The following PRKCE variants were observed in gnomAD, a reference collection of about 807,000 sequenced individuals.
PRKCE encodes the protein protein kinase C epsilon.
In PRKCE, 16 loss-of-function variants were observed where a neutral mutation model predicts 85.4. That is an observed-to-expected ratio of 0.19 (90% CI 0.13 to 0.28). The LOEUF (loss-of-function observed/expected upper bound fraction) is 0.28, where lower values mean the gene tolerates loss of function less well. PRKCE is among the 10% of genes least tolerant of loss of function. The pLI, the probability that PRKCE is intolerant of heterozygous loss-of-function variation, is 1.00. For synonymous variants in PRKCE, 388 were observed against 371.5 expected (o/e 1.04, Z -0.51); for missense variants, 573 against 975.2 (o/e 0.59, Z 5.49).
At chr2:45,988,002 C>A (rs976573562) in intron 6 of PRKCE, among the ~76,000 whole-genome samples, 1 of 152,180 alleles carries the variant, frequency 6.6e-6, no homozygotes, top group Non-Finnish European at 1.5e-5. Context: ...TGCAAGCATC[C>A]CCGAGCAAGT....
chr2:45,987,823 C>A (rs1045155707), intron 6 of PRKCE, among the ~76,000 whole-genome samples: 1 of 152,194 alleles, frequency 6.6e-6, no homozygotes, highest in Non-Finnish European at 1.5e-5. Context: ...CTCTTTAGAT[C>A]CTTTCTCCTC....
intron 11 of PRKCE, among the ~76,000 whole-genome samples, chr2:46,098,327 C>G (rs537879470): frequency 6.6e-5 from 10 of 151,422 alleles, no homozygotes; most frequent in Admixed American, 2.0e-4. Context: ...TACTCCCCCC[C>G]CAACCCACAC....
intron 2 of PRKCE, among the ~76,000 whole-genome samples, chr2:45,896,676 A>G (rs1463303968): frequency 6.6e-6 from 1 of 152,272 alleles, no homozygotes; most frequent in Admixed American, 6.5e-5. Context: ...TAGATTGCAG[A>G]GAAAACATAT....
At chr2:45,968,803 G>T (rs531567068) in intron 2 of PRKCE, among the ~76,000 whole-genome samples, 1 of 152,162 alleles carries the variant, frequency 6.6e-6, no homozygotes, top group African/African-American at 2.4e-5. Flanking sequence ...GGACAGTGGA[G>T]CAGTGAAAAC....
chr2:45,793,836 A>G (rs1196323271), intron 1 of PRKCE, among the ~76,000 whole-genome samples: 1 of 152,206 alleles, frequency 6.6e-6, no homozygotes, highest in African/African-American at 2.4e-5. Flanking sequence ...TCTCACACTG[A>G]CTGGTGAACA....
chr2:45,937,119 A>G (rs1467324114), intron 2 of PRKCE, among the ~76,000 whole-genome samples: 1 of 152,254 alleles, frequency 6.6e-6, no homozygotes, highest in Non-Finnish European at 1.5e-5. Context: ...TTGGCTGGGA[A>G]GAAAAGATTC....
At chr2:45,732,716 C>T (rs993229574) in intron 1 of PRKCE, among the ~76,000 whole-genome samples, 10 of 152,172 alleles carry the variant, frequency 6.6e-5, no homozygotes, top group African/African-American at 2.4e-4. Flanking sequence ...GCACCTAACA[C>T]ACTATTTGGT....
intron 10 of PRKCE, among the ~76,000 whole-genome samples, chr2:46,030,933 G>C (rs975550959): frequency 6.6e-6 from 1 of 152,140 alleles, no homozygotes; most frequent in East Asian, 1.9e-4. Context: ...ACCTTCTCTG[G>C]AGTGTCTTGC....
intron 2 of PRKCE, among the ~76,000 whole-genome samples, chr2:45,872,098 C>G (rs1694138225): frequency 6.7e-6 from 1 of 149,582 alleles, no homozygotes; most frequent in Admixed American, 6.7e-5. Flanking sequence ...TTGAAAAGTC[C>G]TAGTTGTTAA....
intron 1 of PRKCE, among the ~76,000 whole-genome samples, chr2:45,655,109 G>T (rs1015275058): frequency 2.0e-5 from 3 of 152,180 alleles, no homozygotes; most frequent in African/African-American, 4.8e-5. Flanking sequence ...TGTATTCCTG[G>T]AGTTCCTGTT....
In PRKCE at chr2:46,086,250, C is replaced by T; in HGVS notation, c.1480C>T (p.Leu494Phe). Residue 494 changes from leucine (L) to phenylalanine (F), a missense_variant, in exon 11 of 15, where the codon CTC becomes TTC. Around this residue, in one of 11 missense-constraint regions of PRKCE, gnomAD observed 89 missense variants for 154.1 expected, o/e 0.58. Transcript: ENST00000306156. ...CATGGAATATGTAAATGGTGGAGAC[C>T]TCATGTTTCAGATTCAGCGCTCCCG... ...FVMEYVNGGD[L>F]MFQIQRSRKF... 1 of 1,599,692 alleles carries T rather than the reference C, an allele frequency of 6.3e-7. No individual in the cohort carries two copies. Among genetic ancestry groups the T allele is most frequent in the South Asian group, 1.1e-5 (1 of 91,082 alleles).
At chr2:45,972,329 T>C (rs558910497) in intron 2 of PRKCE, among the ~76,000 whole-genome samples, 37 of 152,354 alleles carry the variant, frequency 2.4e-4, no homozygotes, top group African/African-American at 8.7e-4. Context: ...GTTTTGCCAT[T>C]GAATTGTGGG....
At chr2:45,929,621 A>G (rs1053746541) in intron 2 of PRKCE, among the ~76,000 whole-genome samples, 3 of 152,170 alleles carry the variant, frequency 2.0e-5, no homozygotes, top group African/African-American at 7.2e-5. Context: ...GAGAACTCAT[A>G]TTATCAAAGG....
chr2:46,027,790 G>A (rs1024281980), intron 10 of PRKCE, among the ~76,000 whole-genome samples: 1 of 152,116 alleles, frequency 6.6e-6, no homozygotes, highest in South Asian at 2.1e-4. Flanking sequence ...TGGTCCCATG[G>A]CCTATTTAGC....
intron 11 of PRKCE, among the ~76,000 whole-genome samples, chr2:46,130,750 G>A (rs138838494): frequency 7.0e-4 from 106 of 152,286 alleles, no homozygotes; most frequent in Non-Finnish European, 1.3e-3. Context: ...CTACCCACAC[G>A]TAGCTTCATT....
At position 46,184,803 on chromosome 2, in the gene PRKCE, G is replaced by A; in HGVS notation, c.2136G>A (p.Val712=). The change falls in exon 15 of 15, where the codon GTG becomes GTA. Residue 712 remains valine, a synonymous_variant. Coordinates refer to ENST00000306156, the MANE Select transcript of PRKCE (RefSeq NM_005400.3). This position sits in a 1 kb window ranked among gnomAD's most constrained non-coding sequence, Gnocchi z 5.0. ...FTREEPVLTL[V]DEAIVKQINQ... Reference sequence around the variant, plus strand: ...GGGAAGAGCCGGTACTCACCCTTGTGGACGAAGCAATTGTAAAGCAGATCA... The same window carrying A: ...GGGAAGAGCCGGTACTCACCCTTGTAGACGAAGCAATTGTAAAGCAGATCA... The A allele has an allele frequency of 1.3e-6, 2 of 1,599,766 alleles. No homozygotes were observed. The highest frequency in any genetic ancestry group is 1.7e-6 in the Non-Finnish European group (2 of 1,179,954).
chr2:46,110,059 G>T (rs1315833915), intron 11 of PRKCE, among the ~76,000 whole-genome samples: 1 of 152,096 alleles, frequency 6.6e-6, no homozygotes, highest in Admixed American at 6.6e-5. Flanking sequence ...CTTGGTTGTG[G>T]TATATAATTC....
chr2:45,814,489 C>T (rs1688882602), intron 1 of PRKCE, among the ~76,000 whole-genome samples: 2 of 152,224 alleles, frequency 1.3e-5, no homozygotes, highest in South Asian at 4.1e-4. Context: ...GCTGAGTTCA[C>T]TCCTCCTCCA....
chr2:45,932,655 T>G (rs1371621530), intron 2 of PRKCE, among the ~76,000 whole-genome samples: 1 of 152,210 alleles, frequency 6.6e-6, no homozygotes, highest in Non-Finnish European at 1.5e-5. Flanking sequence ...AAACATTAAA[T>G]TTACCATTTT....
Sources: gnomAD v4.1 joint callset for allele counts (sites outside exome capture counted in the v4.1 genomes callset) on GRCh38, gnomAD v4.1.1 for gene constraint, gnomAD v4.1.1 regional missense constraint, Gnocchi (gnomAD v3.1) non-coding constraint, MANE v1.5 for transcripts, NCBI Gene and HGNC (gene_info 2026-07-23, HGNC 2026-07-21) for gene names.